The following ELMO1 variants were observed in gnomAD, a reference collection of about 807,000 sequenced individuals.
The protein encoded by ELMO1 is engulfment and cell motility 1.
ELMO1 carries 26 observed loss-of-function variants against 98.9 expected under a neutral mutation model. The observed-to-expected ratio is 0.26, with a 90% CI of 0.19 to 0.36. ELMO1 has a LOEUF of 0.36. ELMO1 is among the 10% of genes least tolerant of loss of function. The pLI is 1.00. For missense variants in ELMO1, 627 were observed against 935.2 expected (o/e 0.67, Z 4.30); for synonymous variants, 346 against 346.0 (o/e 1.00, Z 0.00).
intron 11 of ELMO1, among the ~76,000 whole-genome samples, chr7:37,215,617 C>T (rs1316696855): frequency 2.0e-5 from 3 of 152,230 alleles, no homozygotes; most frequent in Non-Finnish European, 2.9e-5. Flanking sequence ...CCATAAACTC[C>T]AAAGCCCACT....
At chr7:37,146,019 T>C (rs528382183) in intron 13 of ELMO1, among the ~76,000 whole-genome samples, 1 of 152,184 alleles carries the variant, frequency 6.6e-6, no homozygotes, top group African/African-American at 2.4e-5. Context: ...TTCTCTGTCT[T>C]AGATGCACCT....
intron 1 of ELMO1, among the ~76,000 whole-genome samples, chr7:37,348,426 C>A (rs1801110888): frequency 2.0e-5 from 3 of 152,056 alleles, no homozygotes; most frequent in African/African-American, 7.2e-5. Flanking sequence ...CTATACCGTT[C>A]CTGCTTGCCT....
At chr7:37,244,497 T>G (rs1794900624) in intron 6 of ELMO1, 106 bp from the exon 7 acceptor site, 2 of 1,153,036 alleles carry the variant, frequency 1.7e-6, no homozygotes, top group African/African-American at 3.1e-5. Context: ...AGGACAGATT[T>G]AACTGCCATG....
chr7:36,949,557 T>C (rs1478034479), intron 16 of ELMO1, among the ~76,000 whole-genome samples: 1 of 152,054 alleles, frequency 6.6e-6, no homozygotes, highest in South Asian at 2.1e-4. Context: ...TTGGCACTAC[T>C]GACATTTGGG....
At chr7:36,988,396 C>A (rs1358581646) in intron 16 of ELMO1, among the ~76,000 whole-genome samples, 1 of 152,212 alleles carries the variant, frequency 6.6e-6, no homozygotes, top group Non-Finnish European at 1.5e-5. Context: ...AAGTCTTCCT[C>A]AATCAAAATT....
At chr7:37,257,272 C>T (rs1795715998) in intron 6 of ELMO1, among the ~76,000 whole-genome samples, 1 of 152,198 alleles carries the variant, frequency 6.6e-6, no homozygotes. Flanking sequence ...AGTTCACACT[C>T]ATCTCCTCTG....
chr7:36,931,124 G>A (rs1242365069), intron 16 of ELMO1, among the ~76,000 whole-genome samples: 1 of 152,198 alleles, frequency 6.6e-6, no homozygotes, highest in Non-Finnish European at 1.5e-5. Context: ...AGAATGAAAA[G>A]GATGGATACA....
In ELMO1 at chr7:37,151,545, C is replaced by G. The variant is rs149465437; in HGVS notation, c.1087-18311G>C. Among the ~76,000 whole-genome samples the G allele has an allele frequency of 3.3e-5, 5 of 152,256 alleles. No individual in the cohort carries two copies. The East Asian group carries it at 9.6e-4, about 29-fold the overall frequency. ...ATTGGGTTGAACCACTTAAGTGACA[C>G]TATCTGGCCATTTTTGACGTACAAA... On this transcript the variant is annotated intron_variant, in intron 13 of 21. Coordinates refer to ENST00000310758, the MANE Select transcript of ELMO1 (RefSeq NM_014800.11).
intron 16 of ELMO1, among the ~76,000 whole-genome samples, chr7:36,978,515 T>C (rs1249132638): frequency 6.6e-6 from 1 of 151,638 alleles, no homozygotes; most frequent in African/African-American, 2.4e-5. Context: ...GAACCAAAAA[T>C]GTACATGTTT....
chr7:36,889,658 A>C (rs770016511), intron 17 of ELMO1, among the ~76,000 whole-genome samples: 16 of 152,258 alleles, frequency 1.1e-4, no homozygotes, highest in African/African-American at 3.1e-4. Context: ...CAAGAGAAGG[A>C]AACAACTGAA....
At position 36,896,676 on chromosome 7, in the gene ELMO1, GTTTGTT is replaced by G. The variant is rs949875649; in HGVS notation, c.1438-1665_1438-1660del. ...CTTTCACCAGATCTGCTGGTTTTTT[GTTTGTT>G]TTTTTTTTTTAACTTAGGCAAAATG... is the stretch of plus-strand genomic sequence containing the variant. On this transcript the variant is annotated intron_variant, in intron 16 of 21. Coordinates refer to ENST00000310758, the MANE Select transcript of ELMO1 (RefSeq NM_014800.11). Among the ~76,000 whole-genome samples the G allele has an allele frequency of 6.0e-3, 240 of 39,978 alleles. 3 individuals are homozygous for G. Among genetic ancestry groups the G allele is most frequent in the East Asian group, 0.03 (6 of 202 alleles). 26.2% of individuals were successfully genotyped at this position (39,978 alleles called of 152,430 possible). A position where few individuals can be genotyped will look rare whatever the true frequency, so the allele number is the denominator to read the frequency against.
At chr7:37,393,439 TC>T (rs1189346277) in intron 1 of ELMO1, among the ~76,000 whole-genome samples, 16 of 152,186 alleles carry the variant, frequency 1.1e-4, no homozygotes, top group African/African-American at 3.9e-4. Flanking sequence ...TCACCAAATG[TC>T]CCAATAATAG....
chr7:37,368,473 A>C (rs898886534), intron 1 of ELMO1, among the ~76,000 whole-genome samples: 3 of 152,158 alleles, frequency 2.0e-5, no homozygotes, highest in Non-Finnish European at 4.4e-5. Flanking sequence ...CTCAGAAATA[A>C]GCCTCAGAAC....
chr7:37,448,526 G>A (rs1453548449), intron 1 of ELMO1, 149 bp downstream of exon 1: 1 of 152,114 alleles, frequency 6.6e-6, no homozygotes, highest in Non-Finnish European at 1.5e-5. Flanking sequence ...GAGCCGCGGC[G>A]CCCCCAGGGA....
chr7:37,022,028 T>C (rs1314972098), intron 15 of ELMO1, among the ~76,000 whole-genome samples: 1 of 152,122 alleles, frequency 6.6e-6, no homozygotes, highest in Non-Finnish European at 1.5e-5. Context: ...TTTCAATTGG[T>C]TGAATTGGGC....
chr7:37,023,832 C>T (rs1794417011), intron 15 of ELMO1, among the ~76,000 whole-genome samples: 2 of 152,170 alleles, frequency 1.3e-5, no homozygotes, highest in African/African-American at 2.4e-5. Context: ...GATCTGCCCA[C>T]CTCAGCCTCT....
At chr7:37,293,897 A>G (rs1030283025) in intron 4 of ELMO1, among the ~76,000 whole-genome samples, 4 of 151,538 alleles carry the variant, frequency 2.6e-5, no homozygotes, top group Non-Finnish European at 4.4e-5. Flanking sequence ...TCTGTAGTCT[A>G]TATCTTCTTT....
chr7:37,265,848 A>T (rs183706162), intron 5 of ELMO1, among the ~76,000 whole-genome samples: 20 of 152,196 alleles, frequency 1.3e-4, no homozygotes, highest in African/African-American at 4.6e-4. Context: ...TGGCTGGCAC[A>T]CCTGCATCTG....
At position 37,224,908 on chromosome 7, in the gene ELMO1, G is replaced by C. The variant is rs771696317; in HGVS notation, c.672C>G (p.Thr224=). 2 of 1,613,990 alleles carry C rather than the reference G, an allele frequency of 1.2e-6. No individual in the cohort carries two copies. The highest frequency in any genetic ancestry group is 1.7e-6 in the Non-Finnish European group (2 of 1,179,980). ...GCAGGTGTGGAATGAGCTGGCCGATGGTGATCTCCTGCGCCACTTTCTGGT... is the reference window on the plus strand; with the variant it reads ...GCAGGTGTGGAATGAGCTGGCCGATCGTGATCTCCTGCGCCACTTTCTGGT... ...DLYQKVAQEI[T]IGQLIPHLQG... Residue 224 remains threonine (T), a synonymous_variant, in exon 9 of 22, where the codon ACC becomes ACG. Transcript: ENST00000310758.
Sources: allele counts gnomAD v4.1 joint callset (sites outside exome capture counted in the v4.1 genomes callset), GRCh38; gene constraint gnomAD v4.1.1; transcripts MANE v1.5; gene names NCBI Gene and HGNC (gene_info 2026-07-23, HGNC 2026-07-21).